Variants in CNTN5 observed in about 807,000 individuals in gnomAD.
CNTN5 encodes the protein contactin-5.
Under a neutral mutation model 129.1 loss-of-function variants are expected in CNTN5, and 77 were observed. The observed-to-expected ratio is 0.60, with a 90% CI of 0.50 to 0.72. The LOEUF (loss-of-function observed/expected upper bound fraction) is 0.72, where lower values mean the gene tolerates loss of function less well. Ranked by LOEUF, CNTN5 falls within the 30% of genes least tolerant of loss-of-function variation. CNTN5 has a pLI of 0.00. For missense variants in CNTN5, 1,478 were observed against 1,328.8 expected (o/e 1.11, Z -1.75); for synonymous variants, 509 against 465.6 (o/e 1.09, Z -1.20).
At position 99,813,394 on chromosome 11, in the gene CNTN5, T is replaced by C. The variant is rs575993956; in HGVS notation, c.56-6150T>C. On this transcript the variant is annotated intron_variant, in intron 3 of 24. Transcript: ENST00000524871. ...CAGTTTCTGAATCCTGAGTATGATT[T>C]ACCAAATGGTCTATCTTAGAAGACA... Among the ~76,000 whole-genome samples, 18 of 152,256 alleles carry C rather than the reference T, an allele frequency of 1.2e-4. No homozygotes were observed. The South Asian group carries it at 3.7e-3, about 32-fold the overall frequency.
chr11:99,453,802 C>T (rs1327854039), intron 2 of CNTN5, among the ~76,000 whole-genome samples: 2 of 152,082 alleles, frequency 1.3e-5, no homozygotes, highest in Admixed American at 6.6e-5. Flanking sequence ...GAATGACTGC[C>T]TTCGATATAA....
intron 7 of CNTN5, among the ~76,000 whole-genome samples, chr11:99,921,970 T>C (rs1949950246): frequency 6.6e-6 from 1 of 152,180 alleles, no homozygotes; most frequent in South Asian, 2.1e-4. Context: ...AAAGAAGAAC[T>C]TTGAAACTCT....
intron 13 of CNTN5, among the ~76,000 whole-genome samples, chr11:100,079,026 G>A (rs1227075152): frequency 6.6e-6 from 1 of 152,122 alleles, no homozygotes; most frequent in Non-Finnish European, 1.5e-5. Flanking sequence ...GCAGGAAGGA[G>A]AAGTGCCAAG....
chr11:99,586,138 T>C (rs371061713), intron 3 of CNTN5, among the ~76,000 whole-genome samples: 13 of 152,322 alleles, frequency 8.5e-5, no homozygotes, highest in African/African-American at 2.9e-4. Flanking sequence ...TTCTGGTTTC[T>C]GTGCAATCAG....
intron 13 of CNTN5, among the ~76,000 whole-genome samples, chr11:100,109,335 C>T (rs977878642): frequency 6.6e-6 from 1 of 151,946 alleles, no homozygotes; most frequent in Admixed American, 6.6e-5. Context: ...CTGAGGCAGG[C>T]GAATCGCTTG....
chr11:99,401,789 T>A (rs1424344240), intron 2 of CNTN5, among the ~76,000 whole-genome samples: 1 of 141,524 alleles, frequency 7.1e-6, no homozygotes, highest in African/African-American at 2.5e-5. Flanking sequence ...TTATGGAGGT[T>A]TTTTTCCTTC....
intron 6 of CNTN5, among the ~76,000 whole-genome samples, chr11:99,913,388 G>A (rs1366281337): frequency 6.6e-6 from 1 of 151,760 alleles, no homozygotes; most frequent in Non-Finnish European, 1.5e-5. Context: ...AGTTAAGTGA[G>A]AAATGTACAT....
At chr11:99,961,368 T>C (rs72994814) in intron 8 of CNTN5, among the ~76,000 whole-genome samples, 104 of 152,216 alleles carry the variant, frequency 6.8e-4, no homozygotes, top group Non-Finnish European at 1.1e-3. Flanking sequence ...TCTATATTAT[T>C]AATGAGAATG....
At chr11:100,298,529 T>C (rs1951145050) in intron 19 of CNTN5, among the ~76,000 whole-genome samples, 1 of 151,304 alleles carries the variant, frequency 6.6e-6, no homozygotes, top group Non-Finnish European at 1.5e-5. Flanking sequence ...TTATTGAGTA[T>C]CTAGTGTGTG....
At chr11:99,295,243 TTGAC>T (rs1864334604) in intron 1 of CNTN5, among the ~76,000 whole-genome samples, 1 of 152,230 alleles carries the variant, frequency 6.6e-6, no homozygotes, top group African/African-American at 2.4e-5. Context: ...GTCTACTCAC[TTGAC>T]TAAGTAGTAT....
chr11:99,165,847 C>T (rs893437329), intron 1 of CNTN5, among the ~76,000 whole-genome samples: 6 of 152,130 alleles, frequency 3.9e-5, no homozygotes, highest in African/African-American at 1.4e-4. Flanking sequence ...ATCACACTGA[C>T]CAGCTATCAT....
intron 2 of CNTN5, among the ~76,000 whole-genome samples, chr11:99,519,008 A>G (rs887792791): frequency 2.6e-5 from 4 of 152,060 alleles, no homozygotes; most frequent in Admixed American, 2.6e-4. Flanking sequence ...GCATGTTTCT[A>G]TCCTGCCTGA....
intron 6 of CNTN5, among the ~76,000 whole-genome samples, chr11:99,897,478 G>C (rs1163539702): frequency 6.6e-6 from 1 of 151,898 alleles, no homozygotes; most frequent in Non-Finnish European, 1.5e-5. Flanking sequence ...AGCCAAAAGA[G>C]GTTGGTGTTG....
chr11:99,871,598 AT>A (rs904593861), intron 6 of CNTN5, among the ~76,000 whole-genome samples: 2 of 152,114 alleles, frequency 1.3e-5, no homozygotes, highest in African/African-American at 4.8e-5. Flanking sequence ...ATTTATATAC[AT>A]TTATGGCTTA....
At chr11:99,446,995 CTAAGCCT>C (rs1439951255) in intron 2 of CNTN5, among the ~76,000 whole-genome samples, 7 of 152,156 alleles carry the variant, frequency 4.6e-5, no homozygotes, top group Non-Finnish European at 1.0e-4. Flanking sequence ...GAAGGGAAGT[CTAAGCCT>C]CTTTGCCCCA....
intron 13 of CNTN5, among the ~76,000 whole-genome samples, chr11:100,162,491 G>C (rs756054300): frequency 1.3e-5 from 2 of 151,784 alleles, no homozygotes; most frequent in African/African-American, 2.4e-5. Context: ...GAATGAAGGC[G>C]TACTGATTTT....
At chr11:100,020,209 A>C (rs1941054530) in intron 9 of CNTN5, among the ~76,000 whole-genome samples, 1 of 152,020 alleles carries the variant, frequency 6.6e-6, no homozygotes. Context: ...AATCTTTACA[A>C]GGAACAATCA....
At chr11:99,676,911 T>A (rs1260014856) in intron 3 of CNTN5, among the ~76,000 whole-genome samples, 5 of 152,146 alleles carry the variant, frequency 3.3e-5, no homozygotes, top group Non-Finnish European at 7.4e-5. Flanking sequence ...TCACACTGCT[T>A]AAAGCTTTCC....
intron 3 of CNTN5, among the ~76,000 whole-genome samples, chr11:99,601,460 A>T (rs1293321503): frequency 1.3e-5 from 2 of 152,168 alleles, no homozygotes; most frequent in African/African-American, 4.8e-5. Flanking sequence ...AATAGAAAAG[A>T]TCCTTAAATC....
Sources: allele counts gnomAD v4.1 joint callset (sites outside exome capture counted in the v4.1 genomes callset), GRCh38; gene constraint gnomAD v4.1.1; transcripts MANE v1.5; gene names NCBI Gene and HGNC (gene_info 2026-07-23, HGNC 2026-07-21).